The following TENM2 variants were observed in gnomAD, a reference collection of about 807,000 sequenced individuals.
TENM2 encodes the protein teneurin-2.
Under a neutral mutation model 245.2 loss-of-function variants are expected in TENM2, and 52 were observed. The ratio of observed to expected loss-of-function variants is 0.21; its 90% CI spans 0.17 to 0.27. TENM2 has a LOEUF of 0.27. TENM2 is among the 10% of genes least tolerant of loss of function. TENM2 has a pLI of 1.00. For missense variants in TENM2, 3,046 were observed against 3,666.8 expected (o/e 0.83, Z 4.37); for synonymous variants, 1,363 against 1,438.9 (o/e 0.95, Z 1.19).
At chr5:166,991,031 A>G in the TENM2 span, among the ~76,000 whole-genome samples, 3 of 152,160 alleles carry the variant, frequency 2.0e-5, no homozygotes, top group African/African-American at 7.2e-5. Context: ...AAAGAGTGAA[A>G]GAGAGAATGA....
the TENM2 span, among the ~76,000 whole-genome samples, chr5:167,144,986 T>G: frequency 1.8e-4 from 28 of 152,202 alleles, no homozygotes; most frequent in Non-Finnish European, 1.5e-5. Flanking sequence ...TTGTCCTTAT[T>G]ATTGCAGTGG....
chr5:167,593,382 CCTT>C (rs1345420176), intron 2 of TENM2, among the ~76,000 whole-genome samples: 8 of 152,178 alleles, frequency 5.3e-5, no homozygotes, highest in Admixed American at 2.0e-4. Context: ...CTTTTGTAGA[CCTT>C]CTTCTTCTGA....
At chr5:167,691,497 T>C (rs1757426594) in intron 2 of TENM2, among the ~76,000 whole-genome samples, 1 of 152,166 alleles carries the variant, frequency 6.6e-6, no homozygotes, top group South Asian at 2.1e-4. Context: ...CCAGTTAAGA[T>C]CAGTTTAAAT....
chr5:167,716,848 A>G (rs1276383743), intron 2 of TENM2, among the ~76,000 whole-genome samples: 3 of 151,634 alleles, frequency 2.0e-5, no homozygotes, highest in South Asian at 2.1e-4. Flanking sequence ...TAAAATTTAC[A>G]TAAAGCCATC....
chr5:167,743,806 T>C (rs1561729341), intron 2 of TENM2, among the ~76,000 whole-genome samples: 1 of 152,150 alleles, frequency 6.6e-6, no homozygotes. Context: ...GAAGAAAAAG[T>C]AGATCTTTTA....
intron 2 of TENM2, among the ~76,000 whole-genome samples, chr5:167,700,141 C>T (rs1042178177): frequency 9.9e-5 from 15 of 152,110 alleles, no homozygotes; most frequent in Non-Finnish European, 2.2e-4. Context: ...ATAGAACAGG[C>T]TTAAAGAGTA....
chr5:167,238,242 A>G, the TENM2 span, among the ~76,000 whole-genome samples: 1 of 152,156 alleles, frequency 6.6e-6, no homozygotes, highest in Non-Finnish European at 1.5e-5. Flanking sequence ...TAAGTTTTTA[A>G]CATTAAATGA....
chr5:167,472,718 C>A (rs551912866), intron 2 of TENM2, among the ~76,000 whole-genome samples: 1 of 152,094 alleles, frequency 6.6e-6, no homozygotes, highest in Admixed American at 6.5e-5. Context: ...AGAAAAAAAA[C>A]CTTCGTGCTA....
intron 2 of TENM2, among the ~76,000 whole-genome samples, chr5:167,872,346 GA>G (rs1189583223): frequency 2.6e-5 from 2 of 77,842 alleles, no homozygotes; most frequent in East Asian, 2.6e-4. Context: ...AAGAAAGAAA[GA>G]AAGAAAGGAA....
chr5:167,171,538 C>G, the TENM2 span, among the ~76,000 whole-genome samples: 1 of 152,106 alleles, frequency 6.6e-6, no homozygotes, highest in African/African-American at 2.4e-5. Flanking sequence ...GTGAACTACC[C>G]AGGGATGAGC....
the TENM2 span, among the ~76,000 whole-genome samples, chr5:167,079,784 G>A: frequency 6.6e-6 from 1 of 152,054 alleles, no homozygotes. Flanking sequence ...ATATATCTAT[G>A]TTGCCTAAAT....
chr5:167,439,611 A>T (rs1764769104), intron 2 of TENM2, among the ~76,000 whole-genome samples: 1 of 152,220 alleles, frequency 6.6e-6, no homozygotes, highest in Admixed American at 6.5e-5. Context: ...AATATAATAC[A>T]CTGCATATAA....
upstream of TENM2, among the ~76,000 whole-genome samples, chr5:167,284,569 A>G (rs566666942): frequency 6.6e-6 from 1 of 152,366 alleles, no homozygotes; most frequent in South Asian, 2.1e-4. Flanking sequence ...TTAAACAGCA[A>G]GAAAATTAAT....
the TENM2 span, among the ~76,000 whole-genome samples, chr5:167,152,852 A>G: frequency 6.6e-6 from 1 of 152,172 alleles, no homozygotes; most frequent in Non-Finnish European, 1.5e-5. Flanking sequence ...TGATACTTCT[A>G]CATTGTTTAT....
the TENM2 span, among the ~76,000 whole-genome samples, chr5:167,063,640 ATTAAGATTATTC>A: frequency 1.3e-5 from 2 of 152,176 alleles, no homozygotes; most frequent in South Asian, 4.1e-4. Context: ...ACAGCCAACA[ATTAAGATTATTC>A]TTACTGTGCT....
chr5:167,747,140 T>C (rs1761645148), intron 2 of TENM2, among the ~76,000 whole-genome samples: 2 of 152,248 alleles, frequency 1.3e-5, no homozygotes, highest in Middle Eastern at 3.4e-3. Flanking sequence ...TATTTAGCTT[T>C]GCATTAAAAC....
chr5:167,750,584 C>T (rs952173988), intron 2 of TENM2, among the ~76,000 whole-genome samples: 2 of 152,060 alleles, frequency 1.3e-5, no homozygotes, highest in African/African-American at 4.8e-5. Context: ...CAAGGGGCTC[C>T]TAGAACACAC....
chr5:168,249,453 G>GGTGTGTGTGTGTGTGTGTGTGT (rs3084277), intron 27 of TENM2, among the ~76,000 whole-genome samples: 20 of 148,806 alleles, frequency 1.3e-4, no homozygotes, highest in East Asian at 5.9e-4. Context: ...GTTCTCTCAA[G>GGTGTGTGTGTGTGTGTGTGTGT]GTGTGTGTGT....
At chr5:168,210,494 A>G (rs1355287753) in intron 19 of TENM2, among the ~76,000 whole-genome samples, 1 of 152,214 alleles carries the variant, frequency 6.6e-6, no homozygotes, top group Non-Finnish European at 1.5e-5. Context: ...TCATTAAGCA[A>G]TATAAAATAG....
Sources: gnomAD v4.1 joint callset for allele counts (sites outside exome capture counted in the v4.1 genomes callset) on GRCh38, gnomAD v4.1.1 for gene constraint, MANE v1.5 for transcripts, NCBI Gene and HGNC (gene_info 2026-07-23, HGNC 2026-07-21) for gene names.